The following TMTC2 variants were observed in gnomAD, a reference collection of about 807,000 sequenced individuals.
TMTC2 encodes the protein protein O-mannosyl-transferase TMTC2.
Under a neutral mutation model 82.4 loss-of-function variants are expected in TMTC2, and 43 were observed. The ratio of observed to expected loss-of-function variants is 0.52; its 90% CI spans 0.41 to 0.67. TMTC2 has a LOEUF of 0.67. TMTC2 is among the 30% of genes least tolerant of loss of function. TMTC2 has a pLI of 0.00. For missense variants in TMTC2, 919 were observed against 1,012.4 expected, an observed-to-expected ratio of 0.91 and a Z score of 1.25; for synonymous variants, 408 against 381.9, an observed-to-expected ratio of 1.07 and a Z score of -0.80.
chr12:82,864,653 C>T (rs1231272038), intron 2 of TMTC2, among the ~76,000 whole-genome samples: 3 of 151,314 alleles, frequency 2.0e-5, no homozygotes, highest in African/African-American at 7.3e-5. Flanking sequence ...AGGCACACAC[C>T]ACCATGCCCA....
chr12:82,755,932 A>C lies in TMTC2; in HGVS notation c.83+68263A>C, dbSNP rs117483696. Among the ~76,000 whole-genome samples the C allele has an allele frequency of 5.7e-4, 86 of 151,608 alleles. 1 individual carries two copies. In the East Asian group the frequency reaches 0.015, roughly 26 times the overall value. On this transcript the variant is annotated intron_variant, in intron 1 of 11. Transcript: ENST00000321196. ...ACTAAATATAAAATGCTGTACTAGG[A>C]AAAAAAAACCCTGATATTTGTGCTC...
chr12:82,707,552 A>G (rs1873421354), intron 1 of TMTC2, among the ~76,000 whole-genome samples: 1 of 152,174 alleles, frequency 6.6e-6, no homozygotes, highest in Non-Finnish European at 1.5e-5. Flanking sequence ...CTTCATGACC[A>G]TTGGCAACCT....
intron 11 of TMTC2, among the ~76,000 whole-genome samples, chr12:83,076,407 C>T (rs369826603): frequency 3.7e-4 from 56 of 152,266 alleles, no homozygotes; most frequent in African/African-American, 1.2e-3. Context: ...ACTCACATTT[C>T]TTTGTGGGGG....
At chr12:83,060,903 A>G (rs1334118669) in intron 10 of TMTC2, among the ~76,000 whole-genome samples, 1 of 151,774 alleles carries the variant, frequency 6.6e-6, no homozygotes, top group Non-Finnish European at 1.5e-5. Context: ...TCTTATTTGT[A>G]CAAGTCAGTT....
At position 83,033,787 on chromosome 12, in the gene TMTC2, A is replaced by AAG. The variant is rs1436734235; in HGVS notation, c.2152+2909_2152+2910insGA. 6.2e-3 allele frequency among the ~76,000 whole-genome samples: 902 copies of AAG among 144,360 alleles called. 7 individuals are homozygous for AAG. Among genetic ancestry groups the AAG allele is most frequent in the African/African-American group, 0.021 (839 of 39,306 alleles). 94.7% of individuals were successfully genotyped at this position (144,360 alleles called of 152,430 possible). A position where few individuals can be genotyped will look rare whatever the true frequency, so the allele number is the denominator to read the frequency against. On this transcript the variant is annotated intron_variant, in intron 9 of 11. Transcript: ENST00000321196. Reference sequence around the variant, plus strand: ...AATAAATAAACAAAAAAACCATATAAATATATATATATATACACATATATG... The same window carrying AAG: ...AATAAATAAACAAAAAAACCATATAAAGATATATATATATATACACATATATG...
intron 1 of TMTC2, among the ~76,000 whole-genome samples, chr12:82,749,834 T>C (rs1592898334): frequency 6.8e-6 from 1 of 146,844 alleles, no homozygotes; most frequent in African/African-American, 2.5e-5. Context: ...GCCTCCCGGG[T>C]TCAAGCAATT....
chr12:83,076,043 T>G (rs895103153), intron 11 of TMTC2, among the ~76,000 whole-genome samples: 3 of 152,242 alleles, frequency 2.0e-5, no homozygotes, highest in Non-Finnish European at 2.9e-5. Context: ...TGAATACAAC[T>G]CCCTTGTTTA....
At chr12:82,746,907 A>G (rs1875721860) in intron 1 of TMTC2, among the ~76,000 whole-genome samples, 1 of 152,234 alleles carries the variant, frequency 6.6e-6, no homozygotes, top group Non-Finnish European at 1.5e-5. Context: ...CAGTAAGGAA[A>G]TAAGGACATC....
chr12:82,954,656 A>G (rs1172886646), intron 4 of TMTC2, among the ~76,000 whole-genome samples: 3 of 152,202 alleles, frequency 2.0e-5, no homozygotes, highest in Non-Finnish European at 4.4e-5. Context: ...CTTGAAAAGC[A>G]TACTTTCATC....
chr12:82,859,769 G>C (rs967770469), intron 2 of TMTC2, among the ~76,000 whole-genome samples: 2 of 152,186 alleles, frequency 1.3e-5, no homozygotes. Flanking sequence ...GTCCTGAGAA[G>C]TTTCCAGATG....
chr12:82,688,214 G>A (rs1872421858), intron 1 of TMTC2, among the ~76,000 whole-genome samples: 1 of 152,126 alleles, frequency 6.6e-6, no homozygotes, highest in Non-Finnish European at 1.5e-5. Flanking sequence ...TTTACTTTGA[G>A]CCAAAATAAT....
rs192892994 is a variant in TMTC2, at chr12:82,859,313, G to C, written c.654+1733G>C. Among the ~76,000 whole-genome samples, 99 of 152,134 alleles carry C rather than the reference G, an allele frequency of 6.5e-4. 1 individual carries two copies. The East Asian group carries it at 9.7e-3, about 15-fold the overall frequency. ...GATCTCTTGACCTCGTGATCTGCCC[G>C]CCTTGGCCTCCCAAAGTGCTGGGAT... is the stretch of plus-strand genomic sequence containing the variant. On this transcript the variant is annotated intron_variant, in intron 2 of 11. Coordinates refer to ENST00000321196, the MANE Select transcript of TMTC2 (RefSeq NM_152588.3).
At chr12:82,710,898 A>T (rs1873587631) in intron 1 of TMTC2, among the ~76,000 whole-genome samples, 1 of 152,184 alleles carries the variant, frequency 6.6e-6, no homozygotes, top group African/African-American at 2.4e-5. Flanking sequence ...TTTTCATGTA[A>T]TCTGTCAGGC....
intron 1 of TMTC2, among the ~76,000 whole-genome samples, chr12:82,810,629 T>C (rs776421345): frequency 6.6e-6 from 1 of 152,076 alleles, no homozygotes; most frequent in African/African-American, 2.4e-5. Context: ...GAAATAGTTA[T>C]TGTGCACTGA....
intron 1 of TMTC2, among the ~76,000 whole-genome samples, chr12:82,840,355 A>G (rs1351509954): frequency 6.6e-6 from 1 of 152,206 alleles, no homozygotes; most frequent in Non-Finnish European, 1.5e-5. Context: ...GTTGCTTCAG[A>G]TAAGAGATGA....
At chr12:82,893,832 C>A (rs1418186275) in intron 2 of TMTC2, among the ~76,000 whole-genome samples, 2 of 152,062 alleles carry the variant, frequency 1.3e-5, no homozygotes, top group African/African-American at 4.8e-5. Flanking sequence ...AAAGTAAGAT[C>A]TGAGTTTAAA....
chr12:83,092,628 C>G (rs146727287), intron 11 of TMTC2, among the ~76,000 whole-genome samples: 26 of 152,154 alleles, frequency 1.7e-4, no homozygotes, highest in Admixed American at 2.6e-4. Context: ...TTTACTCTTA[C>G]CTTTCTAAAT....
intron 1 of TMTC2, among the ~76,000 whole-genome samples, chr12:82,826,027 C>T (rs1310919728): frequency 1.3e-5 from 2 of 152,206 alleles, no homozygotes; most frequent in Admixed American, 1.3e-4. Flanking sequence ...TAAGGGGAAA[C>T]AGCAGGTGAT....
At chr12:83,074,731 CTG>C (rs1883227815) in intron 11 of TMTC2, among the ~76,000 whole-genome samples, 1 of 152,128 alleles carries the variant, frequency 6.6e-6, no homozygotes, top group Admixed American at 6.5e-5. Context: ...AGCCCAGAGT[CTG>C]TGTCTGTTTC....
Sources: allele counts gnomAD v4.1 joint callset (sites outside exome capture counted in the v4.1 genomes callset), GRCh38; gene constraint gnomAD v4.1.1; transcripts MANE v1.5; gene names NCBI Gene and HGNC (gene_info 2026-07-23, HGNC 2026-07-21).